The following CTNNA3 variants were observed in gnomAD, a reference collection of about 807,000 sequenced individuals.
CTNNA3 encodes catenin alpha 3, also known as catenin alpha-3.
In CTNNA3, 76 loss-of-function variants were observed where a neutral mutation model predicts 95.7. That is an observed-to-expected ratio of 0.79 (90% CI 0.66 to 0.96). CTNNA3 has a LOEUF of 0.96. CTNNA3 is among the 40% of genes least tolerant of loss of function. The pLI, the probability that CTNNA3 is intolerant of heterozygous loss-of-function variation, is 0.00. For synonymous variants in CTNNA3, 431 were observed against 374.4 expected, an observed-to-expected ratio of 1.15 and a Z score of -1.74; for missense variants, 1,191 against 1,089.8, an observed-to-expected ratio of 1.09 and a Z score of -1.31.
At chr10:66,205,946 A>G (rs1009068262) in intron 13 of CTNNA3, among the ~76,000 whole-genome samples, 1 of 151,976 alleles carries the variant, frequency 6.6e-6, no homozygotes, top group African/African-American at 2.4e-5. Flanking sequence ...ATTATGTACA[A>G]GGCACTGAAC....
intron 10 of CTNNA3, among the ~76,000 whole-genome samples, chr10:66,536,711 A>T (rs2132065080): frequency 6.6e-6 from 1 of 152,198 alleles, no homozygotes; most frequent in South Asian, 2.1e-4. Context: ...AAAACCTACA[A>T]CAGTAGCCTG....
chr10:67,414,759 G>T (rs1350654477), intron 5 of CTNNA3, among the ~76,000 whole-genome samples: 7 of 152,186 alleles, frequency 4.6e-5, no homozygotes, highest in Admixed American at 3.3e-4. Flanking sequence ...TTATTCTTGG[G>T]ATTCAATACT....
At chr10:67,183,995 C>A (rs971229168) in intron 6 of CTNNA3, among the ~76,000 whole-genome samples, 1 of 152,066 alleles carries the variant, frequency 6.6e-6, no homozygotes, top group South Asian at 2.1e-4. Context: ...CAAATCGGGA[C>A]TGTAACATGG....
chr10:67,526,477 G>A (rs909260404), intron 4 of CTNNA3, among the ~76,000 whole-genome samples: 23 of 152,072 alleles, frequency 1.5e-4, no homozygotes, highest in African/African-American at 5.3e-4. Flanking sequence ...TGAGGTCTGA[G>A]GTTCAAGTCC....
intron 13 of CTNNA3, among the ~76,000 whole-genome samples, chr10:66,215,393 T>C (rs2088462610): frequency 2.0e-5 from 3 of 152,162 alleles, no homozygotes; most frequent in African/African-American, 7.2e-5. Context: ...TAATTCCCAA[T>C]TTACATATGA....
At chr10:66,405,052 A>C (rs1178365326) in intron 11 of CTNNA3, among the ~76,000 whole-genome samples, 1 of 152,212 alleles carries the variant, frequency 6.6e-6, no homozygotes, top group Non-Finnish European at 1.5e-5. Flanking sequence ...GAAGAAATAC[A>C]GAAGAGTTAA....
At chr10:67,087,193 G>A in intron 7 of CTNNA3, among the ~76,000 whole-genome samples, 1 of 151,982 alleles carries the variant, frequency 6.6e-6, no homozygotes, top group East Asian at 1.9e-4. Context: ...CTTTGCCTCA[G>A]TTAAAGAGAA....
At chr10:66,042,914 A>G (rs1214474439) in intron 15 of CTNNA3, among the ~76,000 whole-genome samples, 5 of 140,078 alleles carry the variant, frequency 3.6e-5, no homozygotes, top group African/African-American at 1.1e-4. Flanking sequence ...AAAAAAAAAA[A>G]AAAAAAAAAA....
At chr10:66,038,194 T>C (rs1166406442) in intron 15 of CTNNA3, among the ~76,000 whole-genome samples, 3 of 152,238 alleles carry the variant, frequency 2.0e-5, no homozygotes, top group Admixed American at 6.5e-5. Context: ...AAACATTATA[T>C]GTATATGAAA....
In CTNNA3 at chr10:67,690,278, G is replaced by A. The variant is rs757672776; in HGVS notation, c.-6+5722C>T. On this transcript the variant is annotated intron_variant, in intron 1 of 17. Transcript: ENST00000433211. ...CAGGAATGAAGCCACAGACCCTCAC[G>A]GTGAGTGTTACAGCTCATAAAGGTA... is the stretch of plus-strand genomic sequence containing the variant. Among the ~76,000 whole-genome samples, 12 of 152,172 alleles carry A rather than the reference G, an allele frequency of 7.9e-5. No homozygotes were observed. The East Asian group carries it at 1.4e-3, about 17-fold the overall frequency.
intron 10 of CTNNA3, among the ~76,000 whole-genome samples, chr10:66,570,652 C>A (rs1423570637): frequency 6.6e-6 from 1 of 151,316 alleles, no homozygotes; most frequent in Non-Finnish European, 1.5e-5. Flanking sequence ...CTTTTAAAAA[C>A]CACTTGATTT....
At chr10:67,242,395 T>C (rs1189792276) in intron 5 of CTNNA3, among the ~76,000 whole-genome samples, 1 of 152,232 alleles carries the variant, frequency 6.6e-6, no homozygotes, top group African/African-American at 2.4e-5. Context: ...AGGAAAAAAG[T>C]GTTTTGCTTT....
At chr10:67,742,547 C>G (rs1841346695) in intron 1 of CTNNA3, among the ~76,000 whole-genome samples, 1 of 150,844 alleles carries the variant, frequency 6.6e-6, no homozygotes, top group Non-Finnish European at 1.5e-5. Flanking sequence ...CAAGAGAAAG[C>G]AGGAAAGATC....
In CTNNA3 at chr10:67,180,109, C is replaced by T. The variant is rs150781712; in HGVS notation, c.1047+208G>A. Among the ~76,000 whole-genome samples, 28 of 152,240 alleles carry T rather than the reference C, an allele frequency of 1.8e-4. No individual in the cohort carries two copies. In the East Asian group the frequency reaches 5.4e-3, roughly 29 times the overall value. On this transcript the variant is annotated intron_variant, in intron 7 of 17. Transcript: ENST00000433211. The stretch of plus-strand genomic sequence containing the variant: ...CAAACAAAACAATCACCTGTAAATA[C>T]CCTTCTGGTTCTGATCTCATCCCTA...
intron 1 of CTNNA3, among the ~76,000 whole-genome samples, chr10:67,701,527 G>A (rs893615231): frequency 3.9e-5 from 6 of 152,158 alleles, no homozygotes; most frequent in Non-Finnish European, 7.4e-5. Flanking sequence ...GCCAAACTAA[G>A]CTTCATAAGT....
chr10:67,524,481 G>T (rs1484287207), intron 4 of CTNNA3, among the ~76,000 whole-genome samples: 3 of 150,806 alleles, frequency 2.0e-5, no homozygotes, highest in Non-Finnish European at 4.4e-5. Flanking sequence ...CATGGCCAAA[G>T]GAGAAATGGA....
chr10:67,270,765 T>C (rs1838938023), intron 5 of CTNNA3, among the ~76,000 whole-genome samples: 1 of 152,194 alleles, frequency 6.6e-6, no homozygotes, highest in South Asian at 2.1e-4. Flanking sequence ...CTAATTTTGC[T>C]CACAAATCTA....
At chr10:66,991,199 C>T (rs1251754740) in intron 7 of CTNNA3, among the ~76,000 whole-genome samples, 1 of 152,094 alleles carries the variant, frequency 6.6e-6, no homozygotes, top group Non-Finnish European at 1.5e-5. Flanking sequence ...GTAAAAATGT[C>T]ACTATGCCAG....
At position 66,074,705 on chromosome 10, in the gene CTNNA3, T is replaced by A. The variant is rs147154325; in HGVS notation, c.1978-5216A>T. 1.1e-3 allele frequency among the ~76,000 whole-genome samples: 165 copies of A among 152,012 alleles called. 1 individual carries two copies. Among genetic ancestry groups the A allele is most frequent in the Middle Eastern group, 6.8e-3 (2 of 294 alleles). ...TTCCCCCTAGATGTTCATATTGTTC[T>A]CTCTTGTAGTCTAATCTTGTGAACA... On this transcript the variant is annotated intron_variant, in intron 14 of 17. Coordinates refer to ENST00000433211, the MANE Select transcript of CTNNA3 (RefSeq NM_013266.4).
Sources: allele counts gnomAD v4.1 joint callset (sites outside exome capture counted in the v4.1 genomes callset), GRCh38; gene constraint gnomAD v4.1.1; transcripts MANE v1.5; gene names NCBI Gene and HGNC (gene_info 2026-07-23, HGNC 2026-07-21).